MYO9B: variants seen among roughly 807,000 people sequenced by gnomAD.
MYO9B encodes the protein unconventional myosin-IXb.
Under a neutral mutation model 229.5 loss-of-function variants are expected in MYO9B, and 71 were observed. The observed-to-expected ratio is 0.31, with a 90% confidence interval of 0.26 to 0.38. The LOEUF (loss-of-function observed/expected upper bound fraction) is 0.38, where lower values mean the gene tolerates loss of function less well. MYO9B is among the 10% of genes least tolerant of loss of function. MYO9B has a pLI of 1.00. For synonymous variants in MYO9B, 1,185 were observed against 1,235.8 expected, an observed-to-expected ratio of 0.96 and a Z score of 0.86; for missense variants, 2,255 against 2,920.5, an observed-to-expected ratio of 0.77 and a Z score of 5.25.
chr19:17,147,781 G>T (rs1265935974), intron 3 of MYO9B, among the ~76,000 whole-genome samples: 2 of 112,042 alleles, frequency 1.8e-5, no homozygotes, highest in Non-Finnish European at 3.5e-5. Context: ...TGTCTCCTGG[G>T]TTCAAGCGAT....
chr19:17,145,294 T>C lies in MYO9B; in HGVS notation c.841-103T>C, dbSNP rs989740951. 6.5e-6 allele frequency: 7 copies of C among 1,084,194 alleles called. No homozygotes were observed. The African/African-American group carries it at 9.7e-5, about 15-fold the overall frequency. The allele number at this position is 1,084,194 out of a possible 1,614,324, so 67.2% of individuals were successfully genotyped here. A position where few individuals can be genotyped will look rare whatever the true frequency, so the allele number is the denominator to read the frequency against. On this transcript the variant is annotated intron_variant, in intron 2 of 39. Coordinates refer to ENST00000682292, the MANE Select transcript of MYO9B (RefSeq NM_004145.4). Reference sequence around the variant, plus strand: ...GTCTCCAAGAGAAAAAATAGATAAATTGAACAATACAAAATATAAAAGCAC... The same window carrying C: ...GTCTCCAAGAGAAAAAATAGATAAACTGAACAATACAAAATATAAAAGCAC...
intron 1 of MYO9B, among the ~76,000 whole-genome samples, chr19:17,098,312 C>G (rs778174366): frequency 4.6e-5 from 7 of 152,216 alleles, no homozygotes; most frequent in Non-Finnish European, 1.0e-4. Context: ...GCCTTGGCCT[C>G]CCAAAGTGCT....
Position 17,099,884 on chromosome 19 carries a change from G to A in MYO9B, c.-58-1776G>A, listed in dbSNP as rs536058941. ...TGTAATCCCAGCACTTTGGGAGGCC[G>A]AGGAGGATGGATCACCTGAGGTCAG... is the stretch of plus-strand genomic sequence containing the variant. On this transcript the variant is annotated intron_variant, in intron 1 of 39. Coordinates refer to ENST00000682292, the MANE Select transcript of MYO9B (RefSeq NM_004145.4). Among the ~76,000 whole-genome samples, 9 of 151,280 alleles carry A rather than the reference G, an allele frequency of 5.9e-5. No individual in the cohort carries two copies. In the South Asian group the frequency reaches 1.3e-3, roughly 21 times the overall value.
rs551525171 is a variant in MYO9B, at chr19:17,119,287, C to G, written c.840+16730C>G. On this transcript the variant is annotated intron_variant, in intron 2 of 39. Transcript: ENST00000682292. ...CACAGCACCACTGGGAGATTCAGAG[C>G]ACAGATCCAGGATGACGGGCAAGCA... 2.6e-5 allele frequency among the ~76,000 whole-genome samples: 4 copies of G among 152,330 alleles called. No homozygotes were observed. The East Asian group carries it at 7.7e-4, about 29-fold the overall frequency.
In MYO9B at chr19:17,190,064, CAA is replaced by C. The variant is rs36086676; in HGVS notation, c.2689-1016_2689-1015del. Among the ~76,000 whole-genome samples, 902 of 127,100 alleles carry C rather than the reference CAA, an allele frequency of 7.1e-3. 8 individuals are homozygous for C. Among genetic ancestry groups the C allele is most frequent in the African/African-American group, 0.021 (750 of 35,626 alleles). The allele number at this position is 127,100 out of a possible 152,430, so 83.4% of individuals were successfully genotyped here. ...TGGGCGGCAAAACAAGACTCCGTCT[CAA>C]AAAAAAAAAAAAAAAAGATTACAGA... On this transcript the variant is annotated intron_variant, in intron 19 of 39. Transcript: ENST00000682292.
rs373251673 is a variant in MYO9B, at chr19:17,202,034, G to A, written c.4662+10G>A. 1.6e-5 allele frequency: 25 copies of A among 1,611,504 alleles called. No individual in the cohort carries two copies. Among genetic ancestry groups the A allele is most frequent in the South Asian group, 3.3e-5 (3 of 90,728 alleles). On this transcript the variant is annotated intron_variant, in intron 27 of 39. Transcript: ENST00000682292. ...GATGTACTCTGTCCCGGTATGTGGC[G>A]GCCCGGCCTTCAGCCTTTCCCATAC...
intron 2 of MYO9B, among the ~76,000 whole-genome samples, chr19:17,144,509 A>G (rs2072382438): frequency 6.6e-6 from 1 of 151,610 alleles, no homozygotes; most frequent in South Asian, 2.1e-4. Flanking sequence ...AGACAGGCGG[A>G]TCGCTTCAGC....
rs769625934 is a variant in MYO9B, at chr19:17,210,365, C to T, written c.5781C>T (p.Pro1927=). 41 of 1,599,094 alleles carry T rather than the reference C, an allele frequency of 2.6e-5. No individual in the cohort carries two copies. In the East Asian group the frequency reaches 9.0e-4, roughly 35 times the overall value. The change falls in exon 37 of 40, where the codon CCC becomes CCT. Residue 1927 remains proline, a synonymous_variant. Coordinates refer to ENST00000682292, the MANE Select transcript of MYO9B (RefSeq NM_004145.4). ...CTCTCAAACTGGGGTTTTCGTCTCC[C>T]TATGAGGGGGTCCTGGTATGTACGC... is the stretch of plus-strand genomic sequence containing the variant. ...PWPLKLGFSS[P]YEGVLNKSPK...
At chr19:17,179,140 C>G (rs1308746729) in intron 14 of MYO9B, among the ~76,000 whole-genome samples, 2 of 152,044 alleles carry the variant, frequency 1.3e-5, no homozygotes, top group African/African-American at 4.8e-5. Context: ...GCATCCCTGG[C>G]CTCCACCCAC....
chr19:17,138,533 C>T (rs2072299506), intron 2 of MYO9B, among the ~76,000 whole-genome samples: 2 of 152,084 alleles, frequency 1.3e-5, no homozygotes, highest in Non-Finnish European at 2.9e-5. Context: ...CCTGCCTTGG[C>T]CTCCCAAAAT....
intron 7 of MYO9B, among the ~76,000 whole-genome samples, chr19:17,159,091 G>T (rs56282814): frequency 6.6e-6 from 1 of 151,974 alleles, no homozygotes; most frequent in African/African-American, 2.4e-5. Flanking sequence ...TTACTGGGGA[G>T]GCTGAGGCAG....
At chr19:17,169,915 C>T (rs1335700560) in intron 11 of MYO9B, among the ~76,000 whole-genome samples, 1 of 146,988 alleles carries the variant, frequency 6.8e-6, no homozygotes, top group African/African-American at 2.5e-5. Flanking sequence ...CATCTCAGCT[C>T]ACTGTAACCC....
chr19:17,105,030 A>G (rs1186949324), intron 2 of MYO9B, among the ~76,000 whole-genome samples: 1 of 151,932 alleles, frequency 6.6e-6, no homozygotes, highest in Non-Finnish European at 1.5e-5. Context: ...CTGCCCTAAA[A>G]TTCCTCCATG....
At chr19:17,124,149 A>G (rs1023353656) in intron 2 of MYO9B, among the ~76,000 whole-genome samples, 1 of 152,054 alleles carries the variant, frequency 6.6e-6, no homozygotes, top group African/African-American at 2.4e-5. Context: ...TTGGCCTCCC[A>G]AAGTGCTAGG....
At chr19:17,204,950 G>T (rs186529081) in intron 30 of MYO9B, among the ~76,000 whole-genome samples, 1 of 152,082 alleles carries the variant, frequency 6.6e-6, no homozygotes, top group Non-Finnish European at 1.5e-5. Flanking sequence ...TCGGTAGTTC[G>T]AGACCAGCCT....
intron 1 of MYO9B, among the ~76,000 whole-genome samples, chr19:17,088,062 C>T (rs1020865326): frequency 6.6e-6 from 1 of 151,988 alleles, no homozygotes; most frequent in East Asian, 1.9e-4. Flanking sequence ...ATCGCACCAC[C>T]GCACTCCAGC....
chr19:17,103,981 G>C (rs796792164), intron 2 of MYO9B, among the ~76,000 whole-genome samples: 1 of 151,644 alleles, frequency 6.6e-6, no homozygotes, highest in African/African-American at 2.4e-5. Flanking sequence ...GCTTGAACCC[G>C]GTAGGTGGAG....
chr19:17,104,433 G>C (rs1568663572), intron 2 of MYO9B, among the ~76,000 whole-genome samples: 2 of 152,198 alleles, frequency 1.3e-5, no homozygotes, highest in African/African-American at 2.4e-5. Flanking sequence ...CAGGGCTACA[G>C]AGGTGACCAC....
rs369711773 is a variant in MYO9B, at chr19:17,194,823, C to T, written c.3396C>T (p.Thr1132=). The T allele has an allele frequency of 2.1e-5, 34 of 1,613,364 alleles. No individual in the cohort carries two copies. In the South Asian group the frequency reaches 3.4e-4, roughly 16 times the overall value. ...AGAAGACTCTCCCACCCCAGAAAAC[C>T]GTGGCGGCTGAAAGTCACGAGAAAG... ...SPEKTLPPQK[T]VAAESHEKVP... is the part of the protein sequence containing the mutation. Residue 1132 remains threonine (T), a synonymous_variant, in exon 22 of 40, where the codon ACC becomes ACT. Transcript: ENST00000682292.
Sources: gnomAD v4.1 joint callset for allele counts (sites outside exome capture counted in the v4.1 genomes callset) on GRCh38, gnomAD v4.1.1 for gene constraint, MANE v1.5 for transcripts, NCBI Gene and HGNC (gene_info 2026-07-23, HGNC 2026-07-21) for gene names.